ERG28: variants seen among roughly 807,000 people sequenced by gnomAD.
ERG28 encodes the protein ergosterol biosynthesis 28 homolog.
Under a neutral mutation model 15.7 loss-of-function variants are expected in ERG28, and 9 were observed. The observed-to-expected ratio is 0.57, with a 90% CI of 0.35 to 1.00. ERG28 has a LOEUF of 1.00. ERG28 is among the 50% of genes least tolerant of loss of function. The probability of loss-of-function intolerance (pLI) is 0.02; values close to 1 mark genes in which losing one functional copy is unlikely to be tolerated. For synonymous variants in ERG28, 61 were observed against 68.4 expected, an observed-to-expected ratio of 0.89 and a Z score of 0.53; for missense variants, 117 against 173.3, an observed-to-expected ratio of 0.68 and a Z score of 1.82.
chr14:75,657,341 A>T, intron 2 of ERG28, 29 bp downstream of exon 2: 1 of 1,613,332 alleles, frequency 6.2e-7, no homozygotes, highest in South Asian at 1.1e-5. Flanking sequence ...AAGTCCTATA[A>T]AGGATGCAGA....
rs779933269 is a variant in ERG28, at chr14:75,651,787, T to C, written c.327A>G (p.Ala109=). The C allele has an allele frequency of 6.2e-7, 1 of 1,613,482 alleles. No individual in the cohort carries two copies. The highest frequency in any genetic ancestry group is 1.7e-5 in the Admixed American group (1 of 60,006). The part of the protein sequence containing the change: ...GTAAPTIGVL[A]PLMVASFSIL... ...GATGCTTACTTGCCACCATCAGGGG[T>C]GCCAGGACGCCAATCGTGGGAGCTG... Residue 109 remains alanine (A), a synonymous_variant, in exon 4 of 5, where the codon GCA becomes GCG. Coordinates refer to ENST00000256319, the MANE Select transcript of ERG28 (RefSeq NM_007176.4).
intron 1 of ERG28, among the ~76,000 whole-genome samples, chr14:75,660,075 A>G (rs1890661917): frequency 6.6e-6 from 1 of 152,172 alleles, no homozygotes. Flanking sequence ...CTCTCTCAAG[A>G]GGAGACTCCT....
chr14:75,660,641 C>T (rs1013325983), intron 1 of ERG28, 134 bp downstream of exon 1: 3 of 152,330 alleles, frequency 2.0e-5, no homozygotes, highest in African/African-American at 7.2e-5. Flanking sequence ...CCTCTCGAAA[C>T]CTTTTCCCCC....
In ERG28 at chr14:75,651,653, A is replaced by C. The variant is rs1890527726; in HGVS notation, c.344-19T>G. 6.2e-7 allele frequency: 1 copy of C among 1,608,026 alleles called. No homozygotes were observed. On this transcript the variant is annotated intron_variant, in intron 4 of 4. Transcript: ENST00000256319. ...GAGAAACCTTAAATACAGAGGAAAG[A>C]CTAGTGACTAACATACATACGGTAC...
At position 75,651,080 on chromosome 14, in the gene ERG28, C is replaced by T. The variant is rs1291596827; in HGVS notation, c.*475G>A. 2 of 158,324 alleles carry T rather than the reference C, an allele frequency of 1.3e-5. No homozygotes were observed. The highest frequency in any genetic ancestry group is 2.8e-5 in the Non-Finnish European group (2 of 71,106). The allele number at this position is 158,324 out of a possible 1,614,324, so 9.8% of individuals were successfully genotyped here. A position where few individuals can be genotyped will look rare whatever the true frequency, so the allele number is the denominator to read the frequency against. ...GCCTGTCCCTTGGAAGGTTCAGAGTCTTGGGTCCAGCAGCAGAGAGGAGCC... is the reference window on the plus strand; with the variant it reads ...GCCTGTCCCTTGGAAGGTTCAGAGTTTTGGGTCCAGCAGCAGAGAGGAGCC... On this transcript the variant is annotated 3_prime_UTR_variant, in exon 5 of 5. Transcript: ENST00000256319.
At chr14:75,660,737 G>C (rs1369198497) in intron 1 of ERG28, 38 bp downstream of exon 1, 1 of 152,122 alleles carries the variant, frequency 6.6e-6, no homozygotes, top group Non-Finnish European at 1.5e-5. Flanking sequence ...AAGCAACACA[G>C]ACACCTACAT....
At chr14:75,659,557 C>T (rs1055544022) in intron 1 of ERG28, among the ~76,000 whole-genome samples, 1 of 105,300 alleles carries the variant, frequency 9.5e-6, no homozygotes, top group Non-Finnish European at 1.9e-5. Flanking sequence ...AGCTACAGCA[C>T]CCAGCCTTTT....
chr14:75,654,812 A>T, intron 3 of ERG28, 74 bp downstream of exon 3: 1 of 1,420,688 alleles, frequency 7.0e-7, no homozygotes, highest in Non-Finnish European at 9.9e-7. Context: ...AGTTCCCATT[A>T]CTCAAGGTAA....
intron 2 of ERG28, among the ~76,000 whole-genome samples, chr14:75,655,761 A>C (rs80110994): frequency 6.6e-6 from 1 of 152,202 alleles, no homozygotes; most frequent in Admixed American, 6.5e-5. Flanking sequence ...GGCCCCAGGC[A>C]TAAGTATTTT....
chr14:75,657,295 C>G, intron 2 of ERG28, 75 bp downstream of exon 2: 1 of 1,534,164 alleles, frequency 6.5e-7, no homozygotes. Context: ...TGATGTACAG[C>G]CTGGTTTGGG....
In ERG28 at chr14:75,651,606, C is replaced by A; in HGVS notation, c.372G>T (p.Gly124=). ...CTGGTTCTACTTCTAGATACCGGAG[C>A]CCGACCAGCATACCCAGGATGGAGA... ...ASFSILGMLV[G]LRYLEVEPVS... is the part of the protein sequence containing the mutation. Residue 124 remains glycine, a synonymous_variant, in exon 5 of 5, where the codon GGG becomes GGT. Coordinates refer to ENST00000256319, the MANE Select transcript of ERG28 (RefSeq NM_007176.4). 3 of 1,613,634 alleles carry A rather than the reference C, an allele frequency of 1.9e-6. No individual in the cohort carries two copies. Among genetic ancestry groups the A allele is most frequent in the Non-Finnish European group, 2.5e-6 (3 of 1,179,586 alleles).
chr14:75,658,468 TAA>T (rs1890627205), intron 1 of ERG28, among the ~76,000 whole-genome samples: 1 of 152,224 alleles, frequency 6.6e-6, no homozygotes, highest in African/African-American at 2.4e-5. Context: ...CCACCAGTTG[TAA>T]CTACAGCTTT....
At chr14:75,657,337 T>A (rs1307615595) in intron 2 of ERG28, 33 bp downstream of exon 2, 2 of 1,612,956 alleles carry the variant, frequency 1.2e-6, no homozygotes, top group South Asian at 1.1e-5. Context: ...CTATAAGTCC[T>A]ATAAAGGATG....
At chr14:75,655,175 C>T (rs903735611) in intron 2 of ERG28, among the ~76,000 whole-genome samples, 199 bp from the exon 3 acceptor site, 1 of 152,186 alleles carries the variant, frequency 6.6e-6, no homozygotes, top group Admixed American at 6.5e-5. Context: ...TTCTCAGATT[C>T]TCTTCAAATG....
chr14:75,653,475 G>A (rs569042064), intron 3 of ERG28, among the ~76,000 whole-genome samples: 147 of 151,934 alleles, frequency 9.7e-4, no homozygotes, highest in African/African-American at 3.4e-3. Context: ...GGTGGTGCGC[G>A]CCTGTAATCC....
chr14:75,656,474 G>A lies in ERG28; in HGVS notation c.133+896C>T, dbSNP rs78347982. 6.0e-3 allele frequency among the ~76,000 whole-genome samples: 913 copies of A among 152,266 alleles called. 7 individuals carry two copies. The highest frequency in any genetic ancestry group is 0.021 in the African/African-American group (866 of 41,530). ...GACCACCTGAGGGCAGCATTTGAAGGTGAAAAGATGGAATTATTCTGCTCA... is the reference window on the plus strand; with the variant it reads ...GACCACCTGAGGGCAGCATTTGAAGATGAAAAGATGGAATTATTCTGCTCA... On this transcript the variant is annotated intron_variant, in intron 2 of 4. Transcript: ENST00000256319.
intron 3 of ERG28, among the ~76,000 whole-genome samples, chr14:75,654,020 T>G (rs1281484510): frequency 2.6e-5 from 4 of 152,172 alleles, no homozygotes; most frequent in Non-Finnish European, 5.9e-5. Context: ...TGAGTCAGTC[T>G]TTCTTTAAAC....
intron 3 of ERG28, among the ~76,000 whole-genome samples, chr14:75,652,780 C>T (rs1890543571): frequency 1.4e-5 from 2 of 142,762 alleles, no homozygotes; most frequent in African/African-American, 5.1e-5. Context: ...TGGTATCTTA[C>T]ATTTGATTTG....
chr14:75,657,390 T>C lies in ERG28; in HGVS notation c.113A>G (p.Tyr38Cys), dbSNP rs1890612620. ...RDHTFLYEKL[Y>C]TGKPNLVNGL... Reference sequence around the variant, plus strand: ...CTTACCAAGGTTTGGCTTGCCAGTGTAGAGCTTTTCATAGAGAAAAGTGTG... The same window carrying C: ...CTTACCAAGGTTTGGCTTGCCAGTGCAGAGCTTTTCATAGAGAAAAGTGTG... The change falls in exon 2 of 5, where the codon TAC (tyrosine) becomes TGC (cysteine). Residue 38 changes from tyrosine (Y) to cysteine (C), a missense_variant. Coordinates refer to ENST00000256319, the MANE Select transcript of ERG28 (RefSeq NM_007176.4). 2 of 1,614,164 alleles carry C rather than the reference T, an allele frequency of 1.2e-6. No individual in the cohort carries two copies. The highest frequency in any genetic ancestry group is 2.2e-5 in the East Asian group (1 of 44,886).
Sources: allele counts gnomAD v4.1 joint callset (sites outside exome capture counted in the v4.1 genomes callset), GRCh38; gene constraint gnomAD v4.1.1; transcripts MANE v1.5; gene names NCBI Gene and HGNC (gene_info 2026-07-23, HGNC 2026-07-21).